The following HERC1 variants were observed in gnomAD, a reference collection of about 807,000 sequenced individuals.
HERC1 encodes the protein HECT and RLD domain containing E3 ubiquitin protein ligase family member 1.
Under a neutral mutation model 554.3 loss-of-function variants are expected in HERC1, and 160 were observed. That is an observed-to-expected ratio of 0.29 (90% CI 0.25 to 0.33). HERC1 has a LOEUF of 0.33. Ranked by LOEUF, HERC1 falls within the 10% of genes least tolerant of loss-of-function variation. The pLI is 1.00. For synonymous variants in HERC1, 2,175 were observed against 2,131.7 expected (o/e 1.02, Z -0.56); for missense variants, 4,919 against 5,918.5 (o/e 0.83, Z 5.54).
In HERC1 at chr15:63,678,480, T is replaced by A. The variant is rs1013797657; in HGVS notation, c.6550-115A>T. ...ACTAGTATTTGGGTCTCTTCATACA[T>A]GTGAATTATACCAACTGGCCCCCAA... On this transcript the variant is annotated intron_variant, in intron 36 of 77. Coordinates refer to ENST00000443617, the MANE Select transcript of HERC1 (RefSeq NM_003922.4). 1.1e-5 allele frequency: 13 copies of A among 1,231,414 alleles called. No homozygotes were observed. The South Asian group carries it at 2.1e-4, about 20-fold the overall frequency. 76.3% of individuals were successfully genotyped at this position (1,231,414 alleles called of 1,614,324 possible). A position where few individuals can be genotyped will look rare whatever the true frequency, so the allele number is the denominator to read the frequency against.
intron 57 of HERC1, 68 bp from the exon 58 acceptor site, chr15:63,643,618 C>CA: frequency 8.3e-7 from 1 of 1,201,300 alleles, no homozygotes; most frequent in South Asian, 1.8e-5. Context: ...ATTTATCATT[C>CA]ACTCTTGGAA....
At position 63,734,629 on chromosome 15, in the gene HERC1, T is replaced by C; in HGVS notation, c.2646+95A>G. 1 of 1,087,418 alleles carries C rather than the reference T, an allele frequency of 9.2e-7. No individual in the cohort carries two copies. The highest frequency in any genetic ancestry group is 1.3e-6 in the Non-Finnish European group (1 of 773,766). 67.4% of individuals were successfully genotyped at this position (1,087,418 alleles called of 1,614,324 possible). A position where few individuals can be genotyped will look rare whatever the true frequency, so the allele number is the denominator to read the frequency against. On this transcript the variant is annotated intron_variant, in intron 13 of 77. Coordinates refer to ENST00000443617, the MANE Select transcript of HERC1 (RefSeq NM_003922.4). This position sits in a 1 kb window ranked among gnomAD's most constrained non-coding sequence, Gnocchi z 4.6. ...ACATTAACCCATCAAGTACTTATGC[T>C]CCAAGAACACATGGCAATTTATTAG...
chr15:63,772,344 C>T (rs1276816452), intron 2 of HERC1, among the ~76,000 whole-genome samples: 1 of 152,032 alleles, frequency 6.6e-6, no homozygotes, highest in Non-Finnish European at 1.5e-5. Flanking sequence ...TTTGTTCAAA[C>T]ACACCATTGG....
At chr15:63,747,687 C>T (rs182113114) in intron 11 of HERC1, 37 bp downstream of exon 11, 32 of 1,323,656 alleles carry the variant, frequency 2.4e-5, no homozygotes, top group Middle Eastern at 1.8e-4. Flanking sequence ...CGCGCGCACA[C>T]ACACACACAA....
chr15:63,803,396 C>T (rs1658610384), intron 1 of HERC1, among the ~76,000 whole-genome samples: 1 of 151,980 alleles, frequency 6.6e-6, no homozygotes, highest in South Asian at 2.1e-4. Flanking sequence ...TTCTTATCAA[C>T]ATCGTGGTGT....
intron 25 of HERC1, 99 bp downstream of exon 25, chr15:63,706,681 T>C: frequency 1.5e-6 from 1 of 645,924 alleles, no homozygotes; most frequent in Non-Finnish European, 2.5e-6. Flanking sequence ...ATACATCAGA[T>C]ATAAAAACAG....
At chr15:63,710,669 T>C (rs562701987) in intron 24 of HERC1, among the ~76,000 whole-genome samples, 17 of 152,026 alleles carry the variant, frequency 1.1e-4, no homozygotes, top group Non-Finnish European at 2.1e-4. Flanking sequence ...AAGTGACTAT[T>C]TGGAAAAGAA....
At chr15:63,693,823 G>A (rs1048066666) in intron 30 of HERC1, 141 bp downstream of exon 30, 3 of 856,268 alleles carry the variant, frequency 3.5e-6, no homozygotes, top group African/African-American at 3.4e-5. Flanking sequence ...TATACGTGAA[G>A]AGAAAAGAGG....
rs928209446 is a variant in HERC1 at position 63,699,011 on chromosome 15, A to T, written c.4637-15T>A. 6 of 1,590,322 alleles carry T rather than the reference A, an allele frequency of 3.8e-6. No homozygotes were observed. Among genetic ancestry groups the T allele is most frequent in the Non-Finnish European group, 5.2e-6 (6 of 1,162,946 alleles). ...GTGCATAGGACCTATATACAAACAG[A>T]ATAAACATATATCAATGGCAATCAA... On this transcript the variant is annotated splice_polypyrimidine_tract_variant and intron_variant, in intron 25 of 77. Transcript: ENST00000443617.
intron 14 of HERC1, among the ~76,000 whole-genome samples, 165 bp from the exon 15 acceptor site, chr15:63,729,814 G>A (rs1303758933): frequency 6.6e-6 from 1 of 151,854 alleles, no homozygotes; most frequent in African/African-American, 2.4e-5. Flanking sequence ...CCTGAAGTCA[G>A]GAGGTTGAGA....
At position 63,654,321 on chromosome 15, in the gene HERC1, G is replaced by A. The variant is rs1395815038; in HGVS notation, c.10088C>T (p.Pro3363Leu). 1 of 1,611,818 alleles carries A rather than the reference G, an allele frequency of 6.2e-7. No homozygotes were observed. Among genetic ancestry groups the A allele is most frequent in the East Asian group, 2.2e-5 (1 of 44,808 alleles). ...YDKSEVEKKG[P>L]LELANALAAC... ...TGCCAGGGCATTAGCCAACTCCAGA[G>A]GGCCTACAGCAGAAGGATCATAGGA... Residue 3363 changes from proline to leucine, a missense_variant, in exon 51 of 78, where the codon CCT (proline) becomes CTT (leucine). Physicochemically the swap from Pro to Leu is moderately conservative, Grantham distance 98. This residue lies in a region of HERC1 where 1,963 missense variants were observed against 2,228.6 expected (regional missense o/e 0.88). Transcript: ENST00000443617.
rs1357940986 is a variant in HERC1 at position 63,655,805 on chromosome 15, A to G, written c.10021T>C (p.Leu3341=). 1.1e-5 allele frequency: 18 copies of G among 1,587,696 alleles called. No homozygotes were observed. The highest frequency in any genetic ancestry group is 4.0e-5 in the African/African-American group (3 of 74,526). ...NFVVTQALVA[L]LADKGAKLRP... is the part of the protein sequence containing the mutation. ...AGTTTGGCCCCTTTGTCTGCTAGCA[A>G]TGCCACAAGGGCCTGTGTTACAACA... Residue 3341 remains leucine (L), a synonymous_variant, in exon 50 of 78, where the codon TTG becomes CTG. Coordinates refer to ENST00000443617, the MANE Select transcript of HERC1 (RefSeq NM_003922.4).
intron 4 of HERC1, among the ~76,000 whole-genome samples, chr15:63,757,467 A>G (rs938684655): frequency 1.3e-5 from 2 of 151,966 alleles, no homozygotes; most frequent in Non-Finnish European, 2.9e-5. Flanking sequence ...GGGTTTCACC[A>G]TGTTGGTCAA....
At chr15:63,755,120 C>CA (rs1355321101) in intron 6 of HERC1, 109 bp downstream of exon 6, 14 of 728,400 alleles carry the variant, frequency 1.9e-5, no homozygotes, top group Middle Eastern at 2.4e-4. Flanking sequence ...CTTAAACTAA[C>CA]AAAATAAATG....
At chr15:63,728,799 G>A (rs560599677) in intron 16 of HERC1, among the ~76,000 whole-genome samples, 1 of 151,888 alleles carries the variant, frequency 6.6e-6, no homozygotes, top group South Asian at 2.1e-4. Context: ...GAGCCTATAG[G>A]AACCCACTGA....
rs4984252 is a variant in HERC1 at position 63,609,447 on chromosome 15, G to A, written c.14401-181C>T. Among the ~76,000 whole-genome samples the A allele has an allele frequency of 0.81, 123,960 of 152,226 alleles. 52,360 individuals carry two copies. The highest frequency in any genetic ancestry group is 0.88 in the Non-Finnish European group (59,546 of 68,012). On this transcript the variant is annotated intron_variant, in intron 77 of 77. Coordinates refer to ENST00000443617, the MANE Select transcript of HERC1 (RefSeq NM_003922.4). ...GAGGCCCTACTGCCCCGTGGCCCTC[G>A]AGGCTCTGGGTGAAGATGTTCCTTC...
intron 14 of HERC1, 42 bp from the exon 15 acceptor site, chr15:63,729,691 A>T: frequency 6.3e-7 from 1 of 1,594,530 alleles, no homozygotes; most frequent in Non-Finnish European, 8.6e-7. Flanking sequence ...GAAGTGCTTG[A>T]AACTGAAAGT....
rs1567176634 is a variant in HERC1, at chr15:63,833,793, G to GCACACACACACACA, written c.-27+33_-27+34insTGTGTGTGTGTGTG. The GCACACACACACACA allele has an allele frequency of 6.8e-4, 100 of 146,336 alleles. 2 individuals carry two copies. The highest frequency in any genetic ancestry group is 2.3e-3 in the African/African-American group (91 of 38,802). 9.1% of individuals were successfully genotyped at this position (146,336 alleles called of 1,614,324 possible). ...CACACACACACACACACACACACAG[G>GCACACACACACACA]ACCAGGAGGACGGTAGATGATGCGT... is the stretch of plus-strand genomic sequence containing the variant. On this transcript the variant is annotated intron_variant, in intron 1 of 77. Coordinates refer to ENST00000443617, the MANE Select transcript of HERC1 (RefSeq NM_003922.4).
chr15:63,721,511 A>G (rs1201995417), intron 19 of HERC1, among the ~76,000 whole-genome samples: 1 of 152,178 alleles, frequency 6.6e-6, no homozygotes, highest in Non-Finnish European at 1.5e-5. Context: ...GGACGATAAG[A>G]GGAGACTCTG....
Sources: gnomAD v4.1 joint callset for allele counts (sites outside exome capture counted in the v4.1 genomes callset) on GRCh38, gnomAD v4.1.1 for gene constraint, gnomAD v4.1.1 regional missense constraint, Gnocchi (gnomAD v3.1) non-coding constraint, MANE v1.5 for transcripts, NCBI Gene and HGNC (gene_info 2026-07-23, HGNC 2026-07-21) for gene names.